Variants in TECPR2 observed in about 807,000 individuals in gnomAD.
TECPR2 encodes tectonin beta-propeller repeat-containing protein 2.
A neutral mutation model predicts 138.1 loss-of-function variants in TECPR2; 65 were observed. That is an observed-to-expected ratio of 0.47 (90% confidence interval 0.39 to 0.58). TECPR2 has a LOEUF of 0.58. Among genes scored for constraint, TECPR2 ranks in the 20% least tolerant of loss-of-function variants. TECPR2 has a pLI of 0.00. For missense variants in TECPR2, 1,553 were observed against 1,824.5 expected (o/e 0.85, Z 2.71); for synonymous variants, 746 against 749.8 (o/e 0.99, Z 0.08).
At chr14:102,478,877 C>T (rs1241804400) in intron 17 of TECPR2, among the ~76,000 whole-genome samples, 1 of 151,722 alleles carries the variant, frequency 6.6e-6, no homozygotes, top group African/African-American at 2.4e-5. Flanking sequence ...ATTAGCTGGG[C>T]ATGGTGGCAC....
At chr14:102,442,682 C>T (rs574837940) in intron 11 of TECPR2, among the ~76,000 whole-genome samples, 7 of 152,208 alleles carry the variant, frequency 4.6e-5, no homozygotes, top group Admixed American at 3.3e-4. Flanking sequence ...AGGAGTGTGT[C>T]GTGTAAGAAG....
In TECPR2 at chr14:102,443,907, A is replaced by G; in HGVS notation, c.2933+80A>G. On this transcript the variant is annotated intron_variant, in intron 12 of 19. Transcript: ENST00000359520. This position sits in a 1 kb window ranked among gnomAD's most constrained non-coding sequence, Gnocchi z 4.9. ...TGTCCACTTGACACCACAAGGCACC[A>G]TGAGGCCGTTCCTGGGAGGCAGCAC... The G allele has an allele frequency of 1.5e-6, 2 of 1,373,628 alleles. No individual in the cohort carries two copies. Among genetic ancestry groups the G allele is most frequent in the Non-Finnish European group, 1.9e-6 (2 of 1,036,058 alleles). The allele number at this position is 1,373,628 out of a possible 1,614,324, so 85.1% of individuals were successfully genotyped here. A position where few individuals can be genotyped will look rare whatever the true frequency, so the allele number is the denominator to read the frequency against.
At chr14:102,451,698 A>C (rs1224439432) in intron 15 of TECPR2, among the ~76,000 whole-genome samples, 1 of 152,158 alleles carries the variant, frequency 6.6e-6, no homozygotes, top group African/African-American at 2.4e-5. Flanking sequence ...TTGAATTCCA[A>C]AACGTGGCCA....
At chr14:102,423,017 G>A (rs946682201) in intron 5 of TECPR2, among the ~76,000 whole-genome samples, 3 of 152,238 alleles carry the variant, frequency 2.0e-5, no homozygotes, top group Non-Finnish European at 2.9e-5. Context: ...TCATCATTAT[G>A]TTACAGGTGC....
At chr14:102,411,923 T>TAAAGC (rs1888883756) in intron 4 of TECPR2, among the ~76,000 whole-genome samples, 3 of 151,996 alleles carry the variant, frequency 2.0e-5, no homozygotes, top group Non-Finnish European at 4.4e-5. Flanking sequence ...GGTAGTTGCT[T>TAAAGC]TAAAGGTTAC....
At chr14:102,405,835 T>A (rs1186769348) in intron 2 of TECPR2, among the ~76,000 whole-genome samples, 7 of 152,134 alleles carry the variant, frequency 4.6e-5, no homozygotes. Context: ...TACAAGAGAA[T>A]ATGAGTAAGC....
chr14:102,425,734 C>A (rs1024652338), intron 6 of TECPR2, among the ~76,000 whole-genome samples: 2 of 151,870 alleles, frequency 1.3e-5, no homozygotes, highest in African/African-American at 4.8e-5. Context: ...TGCCACCACG[C>A]CTGGCTAATT....
chr14:102,449,828 C>T lies in TECPR2; in HGVS notation c.3275C>T (p.Ser1092Leu), dbSNP rs72700618. Reference protein sequence around the residue: ...GVNNSGVWISSGKNEFHVAKG... With the variant: ...GVNNSGVWISLGKNEFHVAKG... ...AATAACAGCGGTGTCTGGATCTCCT[C>T]GGGCAAGAATGAATTCCACGTCGCT... The change falls in exon 14 of 20, where the codon TCG becomes TTG. Residue 1092 changes from serine to leucine, a missense_variant. Transcript: ENST00000359520. 9,483 of 1,614,062 alleles carry T rather than the reference C, an allele frequency of 5.9e-3. 35 individuals carry two copies. The highest frequency in any genetic ancestry group is 7.2e-3 in the Non-Finnish European group (8,503 of 1,180,024).
chr14:102,450,836 C>G (rs921779995), intron 15 of TECPR2, among the ~76,000 whole-genome samples, 187 bp downstream of exon 15: 1 of 152,156 alleles, frequency 6.6e-6, no homozygotes, highest in South Asian at 2.1e-4. Context: ...TAGGCCTGAC[C>G]AGGAGAGCCT....
chr14:102,462,283 T>C (rs1468863723), intron 16 of TECPR2, among the ~76,000 whole-genome samples: 1 of 152,236 alleles, frequency 6.6e-6, no homozygotes, highest in Non-Finnish European at 1.5e-5. Flanking sequence ...CTAGAGTTAC[T>C]GTTGAAGGTA....
rs1269293229 is a variant in TECPR2 at position 102,362,983 on chromosome 14, T to C, written c.-206T>C. The C allele has an allele frequency of 1.7e-6, 2 of 1,207,632 alleles. No homozygotes were observed. Among genetic ancestry groups the C allele is most frequent in the African/African-American group, 1.5e-5 (1 of 66,556 alleles). 74.8% of individuals were successfully genotyped at this position (1,207,632 alleles called of 1,614,324 possible). On this transcript the variant is annotated 5_prime_UTR_variant, in exon 1 of 20. Transcript: ENST00000359520. ...TCTAGCCCCCGGCGGAGCCAGCTGC[T>C]GCTCTTCGGTGCTGGCCCCGGTGCC...
intron 1 of TECPR2, among the ~76,000 whole-genome samples, chr14:102,370,580 T>TGA (rs1887477280): frequency 6.6e-6 from 1 of 152,136 alleles, no homozygotes; most frequent in African/African-American, 2.4e-5. Context: ...GGAGGACAAG[T>TGA]GAGAGATCCT....
intron 3 of TECPR2, among the ~76,000 whole-genome samples, chr14:102,408,145 G>C (rs1298390400): frequency 6.6e-6 from 1 of 151,804 alleles, no homozygotes; most frequent in Non-Finnish European, 1.5e-5. Flanking sequence ...CTGCACTCCA[G>C]CCTGACGGAG....
rs374097515 is a variant in TECPR2 at position 102,420,247 on chromosome 14, G to A, written c.639-4732G>A. On this transcript the variant is annotated intron_variant, in intron 5 of 19. Transcript: ENST00000359520. The surrounding 1 kb of genome is among the most constrained non-coding windows in gnomAD (Gnocchi z 4.1). The stretch of plus-strand genomic sequence containing the variant: ...GAGGTTTTTGGAAATCATCTCTACC[G>A]AAATTAAGAAATTATATTAATTTGT... 2.6e-5 allele frequency among the ~76,000 whole-genome samples: 4 copies of A among 152,158 alleles called. No homozygotes were observed. The highest frequency in any genetic ancestry group is 9.7e-5 in the African/African-American group (4 of 41,428).
At chr14:102,389,178 T>C (rs966018532) in intron 2 of TECPR2, among the ~76,000 whole-genome samples, 1 of 150,286 alleles carries the variant, frequency 6.7e-6, no homozygotes, top group East Asian at 2.0e-4. Context: ...ATACAAAAAT[T>C]AGCCAGGTGT....
At chr14:102,403,812 AATGAAAC>A (rs1205465571) in intron 2 of TECPR2, among the ~76,000 whole-genome samples, 6 of 152,242 alleles carry the variant, frequency 3.9e-5, no homozygotes, top group African/African-American at 1.4e-4. Context: ...AGACTCATAC[AATGAAAC>A]ATGAAACATT....
chr14:102,442,564 G>C (rs1338694869), intron 11 of TECPR2, among the ~76,000 whole-genome samples: 2 of 152,236 alleles, frequency 1.3e-5, no homozygotes, highest in African/African-American at 4.8e-5. Flanking sequence ...TGAGGAGCGA[G>C]TGACCTCTAA....
rs1889359040 is a variant in TECPR2 at position 102,427,655 on chromosome 14, TATTC to T, written c.952-589_952-586del. On this transcript the variant is annotated intron_variant, in intron 6 of 19. Coordinates refer to ENST00000359520, the MANE Select transcript of TECPR2 (RefSeq NM_014844.5). ...TGGAGGAACCTCCCCTCCCTTCATG[TATTC>T]ATTCAAAACCCATGAGTTGCAGTGC... Among the ~76,000 whole-genome samples, 5 of 152,172 alleles carry T rather than the reference TATTC, an allele frequency of 3.3e-5. No homozygotes were observed. In the South Asian group the frequency reaches 1.0e-3, roughly 31 times the overall value.
At chr14:102,400,505 A>G (rs1567324582) in intron 2 of TECPR2, among the ~76,000 whole-genome samples, 1 of 152,192 alleles carries the variant, frequency 6.6e-6, no homozygotes, top group Non-Finnish European at 1.5e-5. Flanking sequence ...GCTGTAATGG[A>G]GTGGAGCTTT....
Sources: gnomAD v4.1 joint callset for allele counts (sites outside exome capture counted in the v4.1 genomes callset) on GRCh38, gnomAD v4.1.1 for gene constraint, Gnocchi (gnomAD v3.1) non-coding constraint, MANE v1.5 for transcripts, NCBI Gene and HGNC (gene_info 2026-07-23, HGNC 2026-07-21) for gene names.